CDK12: variants seen among roughly 807,000 people sequenced by gnomAD.
CDK12 encodes the protein cyclin-dependent kinase 12.
In CDK12, 17 loss-of-function variants were observed where a neutral mutation model predicts 133.8. The observed-to-expected ratio is 0.13, with a 90% CI of 0.09 to 0.19. The LOEUF (loss-of-function observed/expected upper bound fraction) is 0.19, where lower values mean the gene tolerates loss of function less well. CDK12 is among the 10% of genes least tolerant of loss of function. CDK12 has a pLI of 1.00. For synonymous variants in CDK12, 694 were observed against 683.6 expected (o/e 1.02, Z -0.24); for missense variants, 1,508 against 1,818.7 (o/e 0.83, Z 3.11).
intron 4 of CDK12, 33 bp from the exon 5 acceptor site, chr17:39,494,491 A>G: frequency 6.2e-7 from 1 of 1,603,948 alleles, no homozygotes; most frequent in East Asian, 2.2e-5. Flanking sequence ...AAAAATGCTC[A>G]TTGATAATAA....
intron 2 of CDK12, among the ~76,000 whole-genome samples, chr17:39,487,691 A>T (rs1377083887): frequency 7.5e-6 from 1 of 132,598 alleles, no homozygotes; most frequent in African/African-American, 2.9e-5. Flanking sequence ...ATCTCGGCTT[A>T]CTGCAACCTT....
chr17:39,509,841 G>A (rs995144960), intron 7 of CDK12, 80 bp downstream of exon 7: 1 of 1,123,562 alleles, frequency 8.9e-7, no homozygotes, highest in Non-Finnish European at 1.4e-6. Flanking sequence ...TTATTCTGTT[G>A]CTCAGGCTGG....
In CDK12 at chr17:39,471,527, T is replaced by G; in HGVS notation, c.1695T>G (p.Pro565=). ...TACCAGCTCTTCCACAGCAACCACC[T>G]CTGCCTCCTTCTCAGCCAGCATTTA... ...PPIPALPQQP[P]LPPSQPAFSQ... is the part of the protein sequence containing the mutation. Residue 565 remains proline (P), a synonymous_variant, in exon 2 of 14, where the codon CCT becomes CCG. Transcript: ENST00000447079. 1 of 1,547,010 alleles carries G rather than the reference T, an allele frequency of 6.5e-7. No homozygotes were observed. The highest frequency in any genetic ancestry group is 1.5e-5 in the African/African-American group (1 of 68,050).
At chr17:39,510,787 A>G (rs1015724816) in intron 7 of CDK12, among the ~76,000 whole-genome samples, 3 of 151,022 alleles carry the variant, frequency 2.0e-5, no homozygotes, top group Non-Finnish European at 4.4e-5. Context: ...CTAATTTTGT[A>G]TTTTTAGTGG....
rs776623029 is a variant in CDK12, at chr17:39,462,797, T to C, written c.726T>C (p.Tyr242=). The C allele has an allele frequency of 3.7e-6, 6 of 1,614,226 alleles. No individual in the cohort carries two copies. Among genetic ancestry groups the C allele is most frequent in the South Asian group, 3.3e-5 (3 of 91,088 alleles). ...ATGATAGCCCCTCGGGAGCTTCTTATGGCCAAGATTATGACCTTAGTCCCT... is the reference window on the plus strand; with the variant it reads ...ATGATAGCCCCTCGGGAGCTTCTTACGGCCAAGATTATGACCTTAGTCCCT... ...KQDDSPSGAS[Y]GQDYDLSPSR... Residue 242 remains tyrosine, a synonymous_variant, in exon 1 of 14, where the codon TAT becomes TAC. Coordinates refer to ENST00000447079, the MANE Select transcript of CDK12 (RefSeq NM_016507.4).
In CDK12 at chr17:39,493,943, C is replaced by T. The variant is rs546593931; in HGVS notation, c.2249-581C>T. Among the ~76,000 whole-genome samples, 4 of 152,112 alleles carry T rather than the reference C, an allele frequency of 2.6e-5. No individual in the cohort carries two copies. The South Asian group carries it at 8.3e-4, about 32-fold the overall frequency. ...CCTAGTAGGCGGAGGTTGCAATGAGCGGAGATCGCGCCAGTGCCCTGCAGC... is the reference window on the plus strand; with the variant it reads ...CCTAGTAGGCGGAGGTTGCAATGAGTGGAGATCGCGCCAGTGCCCTGCAGC... On this transcript the variant is annotated intron_variant, in intron 4 of 13. Transcript: ENST00000447079.
At chr17:39,495,440 G>GAT (rs2052021063) in intron 5 of CDK12, among the ~76,000 whole-genome samples, 1 of 138,320 alleles carries the variant, frequency 7.2e-6, no homozygotes, top group South Asian at 2.2e-4. Flanking sequence ...TGAATGAATG[G>GAT]ATATGATGCA....
downstream of CDK12, among the ~76,000 whole-genome samples, chr17:39,536,618 G>A (rs1455511508): frequency 1.3e-5 from 2 of 152,140 alleles, no homozygotes; most frequent in Admixed American, 1.3e-4. Context: ...TGGTGTCTGT[G>A]GGAAGTAAAG....
intron 11 of CDK12, among the ~76,000 whole-genome samples, chr17:39,523,894 G>A (rs1215116632): frequency 6.6e-6 from 1 of 152,000 alleles, no homozygotes. Flanking sequence ...CTCATGATCC[G>A]CCTGCCTCTA....
At chr17:39,557,381 A>G (rs1465482888) in intron 3 of CDK12, among the ~76,000 whole-genome samples, 1 of 152,128 alleles carries the variant, frequency 6.6e-6, no homozygotes, top group Non-Finnish European at 1.5e-5. Context: ...TTTCTCCTAC[A>G]CATCTTCTAG....
chr17:39,541,844 T>G (rs1162275088), intron 1 of CDK12, among the ~76,000 whole-genome samples: 1 of 152,200 alleles, frequency 6.6e-6, no homozygotes, highest in Non-Finnish European at 1.5e-5. Flanking sequence ...GAATCATAGA[T>G]TGCCAGGGCT....
chr17:39,545,445 C>T (rs1159969462), upstream of CDK12, among the ~76,000 whole-genome samples: 1 of 150,876 alleles, frequency 6.6e-6, no homozygotes. Context: ...TGCCTCTGCT[C>T]CTAAAGTGCA....
intron 6 of CDK12, among the ~76,000 whole-genome samples, chr17:39,503,322 C>G (rs1456828589): frequency 6.6e-6 from 1 of 152,186 alleles, no homozygotes; most frequent in East Asian, 1.9e-4. Flanking sequence ...ATCTGCCCCA[C>G]TTGGCCTCCC....
chr17:39,522,149 G>T (rs925976934), intron 11 of CDK12, among the ~76,000 whole-genome samples: 1 of 151,618 alleles, frequency 6.6e-6, no homozygotes, highest in Non-Finnish European at 1.5e-5. Context: ...CACTCTTGTT[G>T]CCCAGGCTGG....
At chr17:39,498,699 T>C (rs1009096418) in intron 5 of CDK12, among the ~76,000 whole-genome samples, 1 of 151,902 alleles carries the variant, frequency 6.6e-6, no homozygotes, top group Admixed American at 6.6e-5. Context: ...CTAGCTAATT[T>C]ATAAATTTTT....
At chr17:39,557,617 G>T (rs2056208473) in intron 3 of CDK12, among the ~76,000 whole-genome samples, 1 of 152,190 alleles carries the variant, frequency 6.6e-6, no homozygotes, top group African/African-American at 2.4e-5. Flanking sequence ...TTACTCATGG[G>T]ATGAAAGACT....
At chr17:39,560,633 C>A (rs1268663457) in intron 3 of CDK12, among the ~76,000 whole-genome samples, 1 of 152,232 alleles carries the variant, frequency 6.6e-6, no homozygotes, top group Non-Finnish European at 1.5e-5. Context: ...GTGGGTGCTA[C>A]TAGCAGAGAG....
At chr17:39,538,904 AATACATAC>A (rs199620122), downstream of CDK12, among the ~76,000 whole-genome samples, 366 of 144,996 alleles carry the variant, frequency 2.5e-3, 4 homozygotes, top group African/African-American at 7.9e-3. Context: ...ATCTCAAATA[AATACATAC>A]ATACATACAT....
chr17:39,524,171 G>A (rs1310543274), intron 11 of CDK12, among the ~76,000 whole-genome samples: 1 of 152,120 alleles, frequency 6.6e-6, no homozygotes, highest in East Asian at 1.9e-4. Flanking sequence ...GGGCAGAAAG[G>A]GGAAAGAACT....
Sources: allele counts gnomAD v4.1 joint callset (sites outside exome capture counted in the v4.1 genomes callset), GRCh38; gene constraint gnomAD v4.1.1; transcripts MANE v1.5; gene names NCBI Gene and HGNC (gene_info 2026-07-23, HGNC 2026-07-21).